The following ZNF618 variants were observed in gnomAD, a reference collection of about 807,000 sequenced individuals.
ZNF618 encodes zinc finger protein 618, also known as neural precursor cell expressed, developmentally down-regulated 10.
In ZNF618, 34 loss-of-function variants were observed where a neutral mutation model predicts 103.0. The observed-to-expected ratio is 0.33, with a 90% confidence interval of 0.25 to 0.44. The LOEUF is 0.44. Among genes scored for constraint, ZNF618 ranks in the 20% least tolerant of loss-of-function variants. The probability of loss-of-function intolerance (pLI) is 1.00; values close to 1 mark genes in which losing one functional copy is unlikely to be tolerated. For missense variants in ZNF618, 1,059 were observed against 1,295.4 expected, an observed-to-expected ratio of 0.82 and a Z score of 2.80; for synonymous variants, 551 against 542.2, an observed-to-expected ratio of 1.02 and a Z score of -0.23.
intron 2 of ZNF618, among the ~76,000 whole-genome samples, chr9:113,971,159 C>T (rs139545415): frequency 6.6e-4 from 100 of 151,776 alleles, no homozygotes; most frequent in African/African-American, 1.9e-3. Flanking sequence ...TTGTGGCCTG[C>T]GGGGCAGTAG....
intron 10 of ZNF618, among the ~76,000 whole-genome samples, chr9:114,018,302 C>T (rs1399366998): frequency 6.6e-6 from 1 of 152,210 alleles, no homozygotes; most frequent in African/African-American, 2.4e-5. Context: ...TGTGGTCGGG[C>T]TTGAACACCA....
chr9:114,022,823 A>G (rs1297895190), intron 10 of ZNF618, among the ~76,000 whole-genome samples: 2 of 151,956 alleles, frequency 1.3e-5, no homozygotes, highest in Non-Finnish European at 2.9e-5. Context: ...AACCTTTGTT[A>G]TTAGGTACAC....
At chr9:113,981,184 A>G (rs1431562358) in intron 2 of ZNF618, among the ~76,000 whole-genome samples, 1 of 152,108 alleles carries the variant, frequency 6.6e-6, no homozygotes, top group Non-Finnish European at 1.5e-5. Flanking sequence ...AGGGGGAGTT[A>G]ACCAAGTCAT....
intron 2 of ZNF618, among the ~76,000 whole-genome samples, chr9:113,971,468 G>A (rs189504797): frequency 6.6e-6 from 1 of 152,264 alleles, no homozygotes; most frequent in East Asian, 1.9e-4. Flanking sequence ...GCTGTATGCT[G>A]TGAACTCAGG....
In ZNF618 at chr9:113,883,585, T is replaced by C. The variant is rs559792726; in HGVS notation, c.33+7172T>C. ...TTTTGGTTGAATTTTGGTTTGCAGATGTCAAAGATTCAAGGAAAATTTATG... is the reference window on the plus strand; with the variant it reads ...TTTTGGTTGAATTTTGGTTTGCAGACGTCAAAGATTCAAGGAAAATTTATG... On this transcript the variant is annotated intron_variant, in intron 1 of 14. Transcript: ENST00000374126. Among the ~76,000 whole-genome samples the C allele has an allele frequency of 2.2e-4, 34 of 152,324 alleles. 1 individual carries two copies. The highest frequency in any genetic ancestry group is 8.2e-4 in the African/African-American group (34 of 41,578).
rs766858677 is a variant in ZNF618 at position 114,036,283 on chromosome 9, C to T, written c.1169-17C>T. 19 of 1,560,060 alleles carry T rather than the reference C, an allele frequency of 1.2e-5. No individual in the cohort carries two copies. Among genetic ancestry groups the T allele is most frequent in the South Asian group, 9.5e-5 (8 of 84,460 alleles). ...TCGGTTCCACCCCTCACGTGGCTGC[C>T]GCATTTCTCCCTCCAGAACCCTACA... On this transcript the variant is annotated splice_polypyrimidine_tract_variant and intron_variant, in intron 12 of 14. Coordinates refer to ENST00000374126, the MANE Select transcript of ZNF618 (RefSeq NM_001318042.2).
intron 9 of ZNF618, among the ~76,000 whole-genome samples, chr9:114,013,088 A>G (rs1842390841): frequency 6.6e-6 from 1 of 152,222 alleles, no homozygotes; most frequent in African/African-American, 2.4e-5. Context: ...CTGCAATACT[A>G]AATCTTAGAA....
At chr9:113,878,979 T>A (rs1289248408) in intron 1 of ZNF618, among the ~76,000 whole-genome samples, 1 of 152,112 alleles carries the variant, frequency 6.6e-6, no homozygotes, top group African/African-American at 2.4e-5. Context: ...GGCTGACTGG[T>A]CACATTCTGA....
At chr9:113,969,568 G>A (rs1387230043) in intron 2 of ZNF618, among the ~76,000 whole-genome samples, 1 of 152,226 alleles carries the variant, frequency 6.6e-6, no homozygotes, top group African/African-American at 2.4e-5. Context: ...CACCAGTCAT[G>A]CCAAAGCAGG....
chr9:113,950,020 G>A (rs578217297), intron 1 of ZNF618, among the ~76,000 whole-genome samples: 2 of 151,720 alleles, frequency 1.3e-5, no homozygotes, highest in Non-Finnish European at 2.9e-5. Flanking sequence ...TTAAACCCCC[G>A]TAGATCCTGC....
chr9:114,035,111 G>GTT (rs1236874474), intron 12 of ZNF618: 1 of 953,038 alleles, frequency 1.0e-6, no homozygotes, highest in Non-Finnish European at 1.2e-6. Flanking sequence ...TGGCTCACTG[G>GTT]TTATTAAGAA....
intron 13 of ZNF618, among the ~76,000 whole-genome samples, chr9:114,047,366 G>A (rs141704916): frequency 2.0e-5 from 3 of 152,122 alleles, no homozygotes; most frequent in Admixed American, 6.5e-5. Flanking sequence ...TGATAATTTG[G>A]TACTTTGTGT....
At chr9:113,985,510 C>T (rs1232406249) in intron 2 of ZNF618, among the ~76,000 whole-genome samples, 1 of 152,236 alleles carries the variant, frequency 6.6e-6, no homozygotes, top group East Asian at 1.9e-4. Flanking sequence ...TAGGCGGGCC[C>T]GTGCTCCCCT....
intron 1 of ZNF618, among the ~76,000 whole-genome samples, chr9:113,964,452 G>A (rs1837166813): frequency 6.6e-6 from 1 of 152,010 alleles, no homozygotes; most frequent in Admixed American, 6.6e-5. Flanking sequence ...TCTAAGAGAA[G>A]CAATTACATT....
intron 13 of ZNF618, 83 bp downstream of exon 13, chr9:114,036,460 C>T (rs769196595): frequency 1.7e-4 from 236 of 1,411,086 alleles, no homozygotes; most frequent in Non-Finnish European, 2.1e-4. Context: ...ACCTGAGGCC[C>T]CTGGAGAAGG....
intron 1 of ZNF618, among the ~76,000 whole-genome samples, chr9:113,954,397 A>G (rs1003921570): frequency 2.0e-5 from 3 of 152,274 alleles, no homozygotes; most frequent in South Asian, 2.1e-4. Context: ...TGGAGTTACA[A>G]TATGCTAGAA....
At chr9:113,943,512 C>T (rs150543740) in intron 1 of ZNF618, among the ~76,000 whole-genome samples, 114 of 152,116 alleles carry the variant, frequency 7.5e-4, no homozygotes, top group African/African-American at 2.6e-3. Flanking sequence ...TGTATCCCAT[C>T]TCAGGAAAGC....
rs73658306 is a variant in ZNF618 at position 113,940,581 on chromosome 9, G to T, written c.34-28536G>T. On this transcript the variant is annotated intron_variant, in intron 1 of 14. Transcript: ENST00000374126. ...AATTTTATGTCAGTTAAAATTTTGG[G>T]GGGGTGGTTCTTGATAATTATTTTG... 4.9e-3 allele frequency among the ~76,000 whole-genome samples: 739 copies of T among 150,794 alleles called. 6 individuals are homozygous for T. Among genetic ancestry groups the T allele is most frequent in the African/African-American group, 0.017 (715 of 41,100 alleles).
At chr9:113,968,240 C>T (rs1293542040) in intron 1 of ZNF618, among the ~76,000 whole-genome samples, 2 of 152,110 alleles carry the variant, frequency 1.3e-5, no homozygotes, top group African/African-American at 2.4e-5. Flanking sequence ...GTTTGATTAG[C>T]GGGGGCTCTG....
Sources: gnomAD v4.1 joint callset for allele counts (sites outside exome capture counted in the v4.1 genomes callset) on GRCh38, gnomAD v4.1.1 for gene constraint, MANE v1.5 for transcripts, NCBI Gene and HGNC (gene_info 2026-07-23, HGNC 2026-07-21) for gene names.